The following SLC30A3 variants were observed in gnomAD, a reference collection of about 807,000 sequenced individuals.
SLC30A3 encodes the protein probable proton-coupled zinc antiporter SLC30A3.
A neutral mutation model predicts 35.6 loss-of-function variants in SLC30A3; 20 were observed. The observed-to-expected ratio is 0.56, with a 90% CI of 0.39 to 0.82. SLC30A3 has a LOEUF of 0.82. Among genes scored for constraint, SLC30A3 ranks in the 40% least tolerant of loss-of-function variants. The probability of loss-of-function intolerance (pLI) is 0.00; values close to 1 mark genes in which losing one functional copy is unlikely to be tolerated. For missense variants in SLC30A3, 401 were observed against 530.6 expected (o/e 0.76, Z 2.40); for synonymous variants, 217 against 224.7 (o/e 0.97, Z 0.31).
Position 27,258,968 on chromosome 2 carries a change from GC to G in SLC30A3, c.96-35del. On this transcript the variant is annotated intron_variant, in intron 1 of 7. Coordinates refer to ENST00000233535, the MANE Select transcript of SLC30A3 (RefSeq NM_003459.5). The surrounding 1 kb of genome is among the most constrained non-coding windows in gnomAD (Gnocchi z 4.0). ...AGCAACATGGTTCAACCTGGGCCTG[GC>G]CCACAGGCTGGCCTGCTCACTCCAC... The G allele has an allele frequency of 6.5e-7, 1 of 1,534,220 alleles. No homozygotes were observed. The highest frequency in any genetic ancestry group is 8.8e-7 in the Non-Finnish European group (1 of 1,137,028).
rs1018996123 is a variant in SLC30A3 at position 27,256,386 on chromosome 2, C to T, written c.1018G>A (p.Asp340Asn). The T allele has an allele frequency of 2.5e-6, 4 of 1,613,894 alleles. No homozygotes were observed. The highest frequency in any genetic ancestry group is 2.5e-6 in the Non-Finnish European group (3 of 1,179,946). Residue 340 changes from aspartate (D) to asparagine (N), a missense_variant and splice_region_variant, in exon 7 of 8, where the codon GAC becomes AAC. Asp to Asn is a conservative substitution (Grantham distance 23, BLOSUM62 1). Around this residue, in one of 3 missense-constraint regions of SLC30A3, gnomAD observed 296 missense variants for 392.6 expected, o/e 0.75. Transcript: ENST00000233535. ...YHVASAHLAI[D>N]STADPEAVLA... ...ACTAGCTGGGGCCAGTGTGACTCAC[C>T]GATGGCCAGGTGTGCAGAGGCAACA...
chr2:27,263,084 G>T (rs1457034666), upstream of SLC30A3: 13 of 1,347,866 alleles, frequency 9.6e-6, no homozygotes, highest in Admixed American at 4.0e-5. Flanking sequence ...TCCCGCTGCC[G>T]CCGGAGCCCC....
rs186164175 is a variant in SLC30A3 at position 27,262,234 on chromosome 2, C to T, written c.95+578G>A. The T allele has an allele frequency of 7.9e-3, 1,200 of 152,226 alleles. 21 individuals carry two copies. The highest frequency in any genetic ancestry group is 0.027 in the African/African-American group (1,133 of 41,520). 9.4% of individuals were successfully genotyped at this position (152,226 alleles called of 1,614,324 possible). The stretch of plus-strand genomic sequence containing the variant: ...GTCTGTGCGGAGCCGGGAATACCCC[C>T]GCTGCCCAGACCGCACCTGCTCCTT... On this transcript the variant is annotated intron_variant, in intron 1 of 7. Transcript: ENST00000233535. The surrounding 1 kb of genome is among the most constrained non-coding windows in gnomAD (Gnocchi z 7.5).
intron 1 of SLC30A3, among the ~76,000 whole-genome samples, chr2:27,268,645 C>A (rs1274704470): frequency 6.6e-6 from 1 of 151,958 alleles, no homozygotes; most frequent in Non-Finnish European, 1.5e-5. Context: ...CCCAGCTCCT[C>A]CGGAGGCTGA....
Position 27,262,662 on chromosome 2 carries a change from G to A in SLC30A3, c.95+150C>T, listed in dbSNP as rs1049257297. 8 of 743,434 alleles carry A rather than the reference G, an allele frequency of 1.1e-5. No individual in the cohort carries two copies. In the African/African-American group the frequency reaches 1.5e-4, roughly 14 times the overall value. The allele number at this position is 743,434 out of a possible 1,614,324, so 46.1% of individuals were successfully genotyped here. On this transcript the variant is annotated intron_variant, in intron 1 of 7. Transcript: ENST00000233535. This position sits in a 1 kb window ranked among gnomAD's most constrained non-coding sequence, Gnocchi z 7.5. ...TGTGTAGGGCTGGGCGCTCCGTGTGGCCAGAGGGGATGAAGCGGGGTGCAG... is the reference window on the plus strand; with the variant it reads ...TGTGTAGGGCTGGGCGCTCCGTGTGACCAGAGGGGATGAAGCGGGGTGCAG...
chr2:27,262,994 C>A lies in SLC30A3; in HGVS notation c.-88G>T. 1 of 1,420,802 alleles carries A rather than the reference C, an allele frequency of 7.0e-7. No individual in the cohort carries two copies. The highest frequency in any genetic ancestry group is 1.5e-5 in the African/African-American group (1 of 65,562). The allele number at this position is 1,420,802 out of a possible 1,614,324, so 88.0% of individuals were successfully genotyped here. ...CCAAGTCCGAGCAGCCCGCCGACCC[C>A]CGGGATCCCCGCAGGGCGGCGGGGC... is the stretch of plus-strand genomic sequence containing the variant. On this transcript the variant is annotated 5_prime_UTR_variant, in exon 1 of 8. Coordinates refer to ENST00000233535, the MANE Select transcript of SLC30A3 (RefSeq NM_003459.5). The surrounding 1 kb of genome is among the most constrained non-coding windows in gnomAD (Gnocchi z 7.5).
intron 1 of SLC30A3, among the ~76,000 whole-genome samples, chr2:27,261,793 C>A (rs972986553): frequency 6.6e-6 from 1 of 151,992 alleles, no homozygotes. Flanking sequence ...TACGGCAGAG[C>A]CCCCACCGCG....
At chr2:27,263,978 G>A, upstream of SLC30A3, 16 of 1,221,672 alleles carry the variant, frequency 1.3e-5, no homozygotes, top group Non-Finnish European at 1.7e-5. Context: ...TCATTTGGGG[G>A]AAACTAAAAC....
chr2:27,273,445 C>T (rs1677822233), intron 1 of SLC30A3, among the ~76,000 whole-genome samples: 1 of 152,202 alleles, frequency 6.6e-6, no homozygotes, highest in Non-Finnish European at 1.5e-5. Context: ...ATGCCTTCTG[C>T]TCTCTCTACC....
At chr2:27,273,092 A>AGTGT (rs58847409) in intron 1 of SLC30A3, among the ~76,000 whole-genome samples, 1,937 of 140,880 alleles carry the variant, frequency 0.014, 23 homozygotes, top group South Asian at 0.033. Context: ...ACATATACAC[A>AGTGT]GTGTGTGTGT....
In SLC30A3 at chr2:27,258,610, C is replaced by T. The variant is rs980361407; in HGVS notation, c.277+143G>A. The stretch of plus-strand genomic sequence containing the variant: ...TTGCTGTCCCTTATCCCTCCTACTT[C>T]CTGAGTCCTGGGCACCCAGCTCCCC... On this transcript the variant is annotated intron_variant, in intron 2 of 7. Transcript: ENST00000233535. The surrounding 1 kb of genome is among the most constrained non-coding windows in gnomAD (Gnocchi z 4.0). 9.9e-6 allele frequency: 9 copies of T among 906,796 alleles called. No homozygotes were observed. Among genetic ancestry groups the T allele is most frequent in the Admixed American group, 6.9e-5 (3 of 43,620 alleles). 56.2% of individuals were successfully genotyped at this position (906,796 alleles called of 1,614,324 possible). A position where few individuals can be genotyped will look rare whatever the true frequency, so the allele number is the denominator to read the frequency against.
At chr2:27,275,331 G>A (rs1403245905) in exon 1 of SLC30A3, 1 of 701,352 alleles carries the variant, frequency 1.4e-6, no homozygotes. Context: ...TGGGCCGCAG[G>A]CCTGCTAAGC....
At chr2:27,265,111 G>A (rs191854821), upstream of SLC30A3, among the ~76,000 whole-genome samples, 3 of 152,338 alleles carry the variant, frequency 2.0e-5, no homozygotes, top group East Asian at 1.9e-4. This position sits in a 1 kb window ranked among gnomAD's most constrained non-coding sequence, Gnocchi z 5.9. Context: ...CTCAGCCGAT[G>A]ACGACAACAG....
rs1053777869 is a variant in SLC30A3, at chr2:27,255,300, C to T, written c.*12G>A. 6.2e-7 allele frequency: 1 copy of T among 1,613,448 alleles called. No individual in the cohort carries two copies. The highest frequency in any genetic ancestry group is 8.5e-7 in the Non-Finnish European group (1 of 1,179,820). ...CCTCGGCCTGGCAGTGGGGTGAGGG[C>T]AGGGCCATGGCTCAGGCTTGGGGGG... On this transcript the variant is annotated 3_prime_UTR_variant, in exon 8 of 8. Coordinates refer to ENST00000233535, the MANE Select transcript of SLC30A3 (RefSeq NM_003459.5). The surrounding 1 kb of genome is among the most constrained non-coding windows in gnomAD (Gnocchi z 5.2).
chr2:27,258,605 T>C lies in SLC30A3; in HGVS notation c.277+148A>G, dbSNP rs554693452. 1.2e-6 allele frequency: 1 copy of C among 868,946 alleles called. No homozygotes were observed. Among genetic ancestry groups the C allele is most frequent in the Non-Finnish European group, 1.8e-6 (1 of 557,916 alleles). The allele number at this position is 868,946 out of a possible 1,614,324, so 53.8% of individuals were successfully genotyped here. On this transcript the variant is annotated intron_variant, in intron 2 of 7. Coordinates refer to ENST00000233535, the MANE Select transcript of SLC30A3 (RefSeq NM_003459.5). The surrounding 1 kb of genome is among the most constrained non-coding windows in gnomAD (Gnocchi z 4.0). ...CTTTGTTGCTGTCCCTTATCCCTCC[T>C]ACTTCCTGAGTCCTGGGCACCCAGC...
chr2:27,273,278 C>T (rs1677813827), intron 1 of SLC30A3, among the ~76,000 whole-genome samples: 1 of 151,932 alleles, frequency 6.6e-6, no homozygotes, highest in African/African-American at 2.4e-5. Flanking sequence ...TGGGAGGGAA[C>T]ACGATGTTTT....
chr2:27,267,096 A>G (rs1441552028), upstream of SLC30A3, among the ~76,000 whole-genome samples: 1 of 152,066 alleles, frequency 6.6e-6, no homozygotes. Context: ...CAGTCTTCCC[A>G]TGTCAGAATA....
chr2:27,256,904 A>G lies in SLC30A3; in HGVS notation c.778-11T>C, dbSNP rs765682394. The G allele has an allele frequency of 1.3e-6, 2 of 1,584,600 alleles. No individual in the cohort carries two copies. Among genetic ancestry groups the G allele is most frequent in the Non-Finnish European group, 1.7e-6 (2 of 1,158,824 alleles). The stretch of plus-strand genomic sequence containing the variant: ...TGCCTTGTATTGAGGCTGCAGAGAA[A>G]GAGACCCCTAAGCCCAACAACCAGG... On this transcript the variant is annotated splice_polypyrimidine_tract_variant and intron_variant, in intron 5 of 7. Coordinates refer to ENST00000233535, the MANE Select transcript of SLC30A3 (RefSeq NM_003459.5).
chr2:27,261,495 A>T (rs546240045), intron 1 of SLC30A3, among the ~76,000 whole-genome samples: 1 of 152,284 alleles, frequency 6.6e-6, no homozygotes, highest in Admixed American at 6.5e-5. Context: ...GGCAACATTC[A>T]TTCCCTGGCC....
Sources: gnomAD v4.1 joint callset for allele counts (sites outside exome capture counted in the v4.1 genomes callset) on GRCh38, gnomAD v4.1.1 for gene constraint, gnomAD v4.1.1 regional missense constraint, Gnocchi (gnomAD v3.1) non-coding constraint, MANE v1.5 for transcripts, NCBI Gene and HGNC (gene_info 2026-07-23, HGNC 2026-07-21) for gene names.